Variants in AKR1E2 observed in about 807,000 individuals in gnomAD.
AKR1E2 encodes the protein 1,5-anhydro-D-fructose reductase.
AKR1E2 carries 43 observed loss-of-function variants against 41.9 expected under a neutral mutation model. The observed-to-expected ratio is 1.03, with a 90% CI of 0.80 to 1.32. The LOEUF (loss-of-function observed/expected upper bound fraction) is 1.32, where lower values mean the gene tolerates loss of function less well. Ranked by LOEUF, AKR1E2 falls within the 40% of genes most tolerant of loss-of-function variation. The pLI, the probability that AKR1E2 is intolerant of heterozygous loss-of-function variation, is 0.00. For missense variants in AKR1E2, 423 were observed against 396.5 expected, an observed-to-expected ratio of 1.07 and a Z score of -0.57; for synonymous variants, 121 against 138.9, an observed-to-expected ratio of 0.87 and a Z score of 0.91.
intron 1 of AKR1E2, among the ~76,000 whole-genome samples, chr10:4,828,166 C>A (rs1426704069): frequency 6.6e-6 from 1 of 152,180 alleles, no homozygotes; most frequent in Non-Finnish European, 1.5e-5. Flanking sequence ...AAGTGTATTC[C>A]TCCCACACGG....
At chr10:4,833,072 G>T (rs969876854) in intron 2 of AKR1E2, among the ~76,000 whole-genome samples, 3 of 152,286 alleles carry the variant, frequency 2.0e-5, no homozygotes, top group Admixed American at 2.0e-4. Flanking sequence ...TGGTCCCAAT[G>T]AATCCAAATA....
intron 8 of AKR1E2, among the ~76,000 whole-genome samples, chr10:4,845,297 C>A (rs991630083): frequency 6.6e-6 from 1 of 152,214 alleles, no homozygotes; most frequent in Non-Finnish European, 1.5e-5. Flanking sequence ...CGGCGTCTCT[C>A]CCTCCACACC....
chr10:4,834,950 G>A (rs993969547), intron 3 of AKR1E2, among the ~76,000 whole-genome samples: 2 of 152,176 alleles, frequency 1.3e-5, no homozygotes, highest in African/African-American at 2.4e-5. Context: ...TGGCAACATG[G>A]GATGTGGCTT....
the AKR1E2 span, among the ~76,000 whole-genome samples, chr10:4,861,477 T>C: frequency 6.6e-6 from 1 of 152,054 alleles, no homozygotes; most frequent in Non-Finnish European, 1.5e-5. Flanking sequence ...TTAAAGCGAT[T>C]CTTGTGCCTT....
chr10:4,835,097 T>C (rs913377978), intron 3 of AKR1E2, among the ~76,000 whole-genome samples: 4 of 152,238 alleles, frequency 2.6e-5, no homozygotes, highest in African/African-American at 9.6e-5. Flanking sequence ...GCCTATGCCA[T>C]TCACCCTTAA....
chr10:4,835,543 G>T (rs982736887), intron 3 of AKR1E2, 132 bp from the exon 4 acceptor site: 2 of 1,140,050 alleles, frequency 1.8e-6, no homozygotes, highest in Non-Finnish European at 2.4e-6. Context: ...GGTGAAGACT[G>T]GGCCTGGTCA....
At chr10:4,834,078 G>A (rs1000925690) in intron 3 of AKR1E2, among the ~76,000 whole-genome samples, 1 of 152,226 alleles carries the variant, frequency 6.6e-6, no homozygotes, top group Non-Finnish European at 1.5e-5. Context: ...CACGGGTCCT[G>A]GCCAGGATGT....
At chr10:4,826,577 G>A (rs970796759) in intron 1 of AKR1E2, among the ~76,000 whole-genome samples, 4 of 152,190 alleles carry the variant, frequency 2.6e-5, no homozygotes, top group African/African-American at 9.6e-5. Flanking sequence ...TGCCCGCCGA[G>A]GCGCTCTCTG....
chr10:4,848,202 C>G (rs1193652170), downstream of AKR1E2: 2 of 152,144 alleles, frequency 1.3e-5, no homozygotes, highest in East Asian at 3.9e-4. Flanking sequence ...CTCAGCCCCC[C>G]AAGTAGCTGG....
chr10:4,855,040 G>T, the AKR1E2 span, among the ~76,000 whole-genome samples: 1 of 152,170 alleles, frequency 6.6e-6, no homozygotes, highest in African/African-American at 2.4e-5. Flanking sequence ...AGGGAAACTT[G>T]AGAGCTGATG....
chr10:4,851,771 T>A (rs1834531360), downstream of AKR1E2, among the ~76,000 whole-genome samples: 1 of 152,226 alleles, frequency 6.6e-6, no homozygotes, highest in Non-Finnish European at 1.5e-5. Context: ...TAAAGTGATG[T>A]AAGTAGAATT....
the AKR1E2 span, among the ~76,000 whole-genome samples, chr10:4,861,337 T>G: frequency 5.3e-5 from 8 of 152,164 alleles, no homozygotes; most frequent in African/African-American, 1.9e-4. Context: ...AACATTTTTT[T>G]GGGAGGGGAG....
chr10:4,844,398 A>G (rs1161121060), intron 8 of AKR1E2, among the ~76,000 whole-genome samples: 1 of 152,218 alleles, frequency 6.6e-6, no homozygotes, highest in African/African-American at 2.4e-5. Context: ...AGCAAGATCT[A>G]TTGCAAAGAC....
chr10:4,842,773 A>G (rs1306599842), intron 8 of AKR1E2, among the ~76,000 whole-genome samples: 1 of 152,080 alleles, frequency 6.6e-6, no homozygotes, highest in Non-Finnish European at 1.5e-5. Context: ...TGTTGGGATG[A>G]TTTGTGTGGG....
At chr10:4,827,435 T>C (rs1832630941) in intron 1 of AKR1E2, among the ~76,000 whole-genome samples, 1 of 150,162 alleles carries the variant, frequency 6.7e-6, no homozygotes, top group Admixed American at 6.7e-5. Context: ...TGTTTGAAAC[T>C]TTGTACCCTT....
chr10:4,852,337 A>G (rs1485344981), downstream of AKR1E2, among the ~76,000 whole-genome samples: 3 of 152,244 alleles, frequency 2.0e-5, no homozygotes, highest in African/African-American at 7.2e-5. Flanking sequence ...GCTGAAGAGC[A>G]TGAAAAAGGC....
At chr10:4,868,398 A>G in the AKR1E2 span, among the ~76,000 whole-genome samples, 760 of 152,214 alleles carry the variant, frequency 5.0e-3, 8 homozygotes, top group African/African-American at 0.018. Context: ...TTGTTTCTTC[A>G]TCGCTTTGGT....
intron 8 of AKR1E2, 104 bp from the exon 9 acceptor site, chr10:4,847,044 C>A: frequency 1.6e-6 from 2 of 1,246,272 alleles, no homozygotes; most frequent in Non-Finnish European, 2.3e-6. Context: ...TGTTTTACAT[C>A]TTTGTGTCCC....
Position 4,826,307 on chromosome 10 carries a change from GGGCGGCCGGC to G in AKR1E2, c.-10_-1del, listed in dbSNP as rs1199280138. On this transcript the variant is annotated 5_prime_UTR_variant, in exon 1 of 10. Coordinates refer to ENST00000298375, the MANE Select transcript of AKR1E2 (RefSeq NM_001040177.3). ...TCGCGTGCGGGGCGGCGGGGCGGCG[GGGCGGCCGGC>G]GGCGGCCATGGGAGATATCCCAGCC... 51 of 1,233,130 alleles carry G rather than the reference GGGCGGCCGGC, an allele frequency of 4.1e-5. No individual in the cohort carries two copies. The highest frequency in any genetic ancestry group is 1.9e-4 in the East Asian group (6 of 31,644). The allele number at this position is 1,233,130 out of a possible 1,614,324, so 76.4% of individuals were successfully genotyped here.
Sources: allele counts gnomAD v4.1 joint callset (sites outside exome capture counted in the v4.1 genomes callset), GRCh38; gene constraint gnomAD v4.1.1; transcripts MANE v1.5; gene names NCBI Gene and HGNC (gene_info 2026-07-23, HGNC 2026-07-21).